PIEZO2: variants seen among roughly 807,000 people sequenced by gnomAD.
The protein encoded by PIEZO2 is piezo-type mechanosensitive ion channel component 2.
A neutral mutation model predicts 337.3 loss-of-function variants in PIEZO2; 172 were observed. The observed-to-expected ratio is 0.51, with a 90% CI of 0.45 to 0.58. The LOEUF (loss-of-function observed/expected upper bound fraction) is 0.58, where lower values mean the gene tolerates loss of function less well. Ranked by LOEUF, PIEZO2 falls within the 20% of genes least tolerant of loss-of-function variation. The pLI is 0.00. For missense variants in PIEZO2, 3,028 were observed against 3,391.3 expected (o/e 0.89, Z 2.66); for synonymous variants, 1,251 against 1,228.5 (o/e 1.02, Z -0.38).
chr18:10,790,986 G>A (rs1053393193), intron 14 of PIEZO2, among the ~76,000 whole-genome samples: 3 of 152,140 alleles, frequency 2.0e-5, no homozygotes, highest in Admixed American at 1.3e-4. Flanking sequence ...TTACAGGCGC[G>A]AGCCACGGCG....
chr18:10,904,760 C>A (rs191540280), intron 4 of PIEZO2, among the ~76,000 whole-genome samples: 1 of 152,192 alleles, frequency 6.6e-6, no homozygotes, highest in African/African-American at 2.4e-5. Context: ...ACATTTAATA[C>A]GAGCAAGAAA....
At chr18:10,823,435 C>G (rs2144483357) in intron 7 of PIEZO2, among the ~76,000 whole-genome samples, 1 of 152,310 alleles carries the variant, frequency 6.6e-6, no homozygotes, top group Non-Finnish European at 1.5e-5. Context: ...ACATATAGCC[C>G]TGAATTTTTT....
chr18:10,881,951 C>G (rs1295040923), intron 4 of PIEZO2, among the ~76,000 whole-genome samples: 1 of 152,184 alleles, frequency 6.6e-6, no homozygotes, highest in Non-Finnish European at 1.5e-5. Context: ...CCAGGCTCCT[C>G]ATCATCCCAG....
intron 2 of PIEZO2, among the ~76,000 whole-genome samples, chr18:11,022,811 G>C (rs1035816401): frequency 4.6e-5 from 7 of 152,160 alleles, no homozygotes; most frequent in African/African-American, 1.7e-4. Flanking sequence ...CACTGACTTC[G>C]AGAATGAAGT....
Position 10,696,942 on chromosome 18 carries a change from T to C in PIEZO2, c.6828-403A>G, listed in dbSNP as rs1226694246. On this transcript the variant is annotated intron_variant, in intron 45 of 55. Transcript: ENST00000674853. ...GTAAAACTGGAGTGATGAGAAGACC[T>C]GATGCCTAGGGCCAAGGTGGGAAGT... Among the ~76,000 whole-genome samples, 4 of 152,294 alleles carry C rather than the reference T, an allele frequency of 2.6e-5. No individual in the cohort carries two copies. In the East Asian group the frequency reaches 7.7e-4, roughly 29 times the overall value.
intron 3 of PIEZO2, among the ~76,000 whole-genome samples, chr18:10,933,876 C>G (rs571291595): frequency 6.6e-6 from 1 of 152,206 alleles, no homozygotes; most frequent in Admixed American, 6.5e-5. Context: ...GGGAGTTCCC[C>G]TGCACAAGCT....
rs1002816101 is a variant in PIEZO2, at chr18:10,726,438, G to C, written c.5029+4969C>G. 178 of 1,529,888 alleles carry C rather than the reference G, an allele frequency of 1.2e-4. No homozygotes were observed. The highest frequency in any genetic ancestry group is 2.5e-5 in the East Asian group (1 of 40,770). 94.8% of individuals were successfully genotyped at this position (1,529,888 alleles called of 1,614,324 possible). A position where few individuals can be genotyped will look rare whatever the true frequency, so the allele number is the denominator to read the frequency against. On this transcript the variant is annotated intron_variant, in intron 36 of 55. Coordinates refer to ENST00000674853, the MANE Select transcript of PIEZO2 (RefSeq NM_001378183.1). This position sits in a 1 kb window ranked among gnomAD's most constrained non-coding sequence, Gnocchi z 5.9. The stretch of plus-strand genomic sequence containing the variant: ...CAACGCGGAGGGCCGGCTGCGGTAC[G>C]GGCTACGGCCGGCGAACCCCACGAG...
In PIEZO2 at chr18:10,672,376, T is replaced by C. The variant is rs1567932399; in HGVS notation, c.8345+314A>G. The stretch of plus-strand genomic sequence containing the variant: ...CCATCTGCTAAGGATTAGAAGGAAA[T>C]CTAAGCAGAAAAGTGATATTTCTGT... On this transcript the variant is annotated intron_variant, in intron 55 of 55. Coordinates refer to ENST00000674853, the MANE Select transcript of PIEZO2 (RefSeq NM_001378183.1). This position sits in a 1 kb window ranked among gnomAD's most constrained non-coding sequence, Gnocchi z 4.7. 6.6e-6 allele frequency among the ~76,000 whole-genome samples: 1 copy of C among 152,094 alleles called. No individual in the cohort carries two copies. Among genetic ancestry groups the C allele is most frequent in the Non-Finnish European group, 1.5e-5 (1 of 68,022 alleles).
chr18:10,680,251 G>A lies in PIEZO2; in HGVS notation c.7900C>T (p.Leu2634Phe). The A allele has an allele frequency of 6.2e-7, 1 of 1,614,046 alleles. No individual in the cohort carries two copies. The highest frequency in any genetic ancestry group is 8.5e-7 in the Non-Finnish European group (1 of 1,179,920). Residue 2634 changes from leucine to phenylalanine, a missense_variant, in exon 52 of 56, where the codon CTC becomes TTC. Leu to Phe is a conservative substitution (Grantham distance 22). Coordinates refer to ENST00000674853, the MANE Select transcript of PIEZO2 (RefSeq NM_001378183.1). ...PPSKQKMIHELLDPNSSFSVV... is the reference protein window; with the variant it reads ...PPSKQKMIHEFLDPNSSFSVV... ...GAGAAGCTACTATTGGGGTCCAGGA[G>A]TTCGTGTATCATTTTCTGCTTACTG...
chr18:11,098,805 A>G (rs1399800013), intron 1 of PIEZO2, among the ~76,000 whole-genome samples: 1 of 151,810 alleles, frequency 6.6e-6, no homozygotes, highest in Non-Finnish European at 1.5e-5. Context: ...TATTTAAAAA[A>G]AATTTTTTTT....
rs2145181380 is a variant in PIEZO2 at position 10,929,284 on chromosome 18, C to CA, written c.287-18057dup. Among the ~76,000 whole-genome samples the CA allele has an allele frequency of 6.6e-6, 1 of 152,316 alleles. No homozygotes were observed. The highest frequency in any genetic ancestry group is 2.4e-5 in the African/African-American group (1 of 41,574). On this transcript the variant is annotated intron_variant, in intron 3 of 55. Coordinates refer to ENST00000674853, the MANE Select transcript of PIEZO2 (RefSeq NM_001378183.1). The surrounding 1 kb of genome is among the most constrained non-coding windows in gnomAD (Gnocchi z 5.6). ...AAAGTGTGAGCGAGCTGCAAACGTG[C>CA]ACGCATCATATGAAGGTGTTATGCT...
intron 2 of PIEZO2, among the ~76,000 whole-genome samples, chr18:11,065,343 TACA>T (rs2038113335): frequency 6.6e-6 from 1 of 152,238 alleles, no homozygotes; most frequent in East Asian, 1.9e-4. Flanking sequence ...TGCACTCACC[TACA>T]ACATTTGGCA....
Position 10,991,951 on chromosome 18 carries a change from G to A in PIEZO2, c.161-12291C>T, listed in dbSNP as rs549942963. Among the ~76,000 whole-genome samples, 450 of 152,160 alleles carry A rather than the reference G, an allele frequency of 3.0e-3. 4 individuals are homozygous for A. Among genetic ancestry groups the A allele is most frequent in the Non-Finnish European group, 3.1e-3 (213 of 67,996 alleles). ...CCGGTGTGAGATGGTATCTCATTGTGGTTTTGATTTGCATTTCTCTAATGT... is the reference window on the plus strand; with the variant it reads ...CCGGTGTGAGATGGTATCTCATTGTAGTTTTGATTTGCATTTCTCTAATGT... On this transcript the variant is annotated intron_variant, in intron 2 of 55. Transcript: ENST00000674853.
chr18:10,968,465 T>C (rs2034105511), intron 3 of PIEZO2, among the ~76,000 whole-genome samples: 1 of 152,160 alleles, frequency 6.6e-6, no homozygotes, highest in African/African-American at 2.4e-5. Context: ...ATTTTAGGAA[T>C]ATTTTCTAGC....
chr18:10,812,984 C>CTTTTT (rs5823122), intron 7 of PIEZO2, among the ~76,000 whole-genome samples: 1 of 146,282 alleles, frequency 6.8e-6, no homozygotes. Flanking sequence ...TTATTTTAAA[C>CTTTTT]TTTTTTTTTT....
intron 1 of PIEZO2, among the ~76,000 whole-genome samples, chr18:11,130,287 T>C (rs1031941249): frequency 1.3e-5 from 2 of 152,238 alleles, no homozygotes; most frequent in Non-Finnish European, 2.9e-5. Flanking sequence ...GTACCAGATG[T>C]GGTTTCATTG....
At chr18:10,798,891 C>T (rs565582759) in intron 11 of PIEZO2, among the ~76,000 whole-genome samples, 1 of 147,676 alleles carries the variant, frequency 6.8e-6, no homozygotes, top group Non-Finnish European at 1.5e-5. Flanking sequence ...AACTAAAACA[C>T]ATACATGCAG....
intron 1 of PIEZO2, among the ~76,000 whole-genome samples, chr18:11,136,136 C>T (rs958403175): frequency 2.0e-5 from 3 of 152,194 alleles, no homozygotes; most frequent in Admixed American, 6.5e-5. Flanking sequence ...TTGACAGTGA[C>T]TTTAACGTTT....
intron 10 of PIEZO2, 28 bp downstream of exon 10, chr18:10,801,362 T>A: frequency 6.9e-7 from 1 of 1,455,394 alleles, no homozygotes; most frequent in Non-Finnish European, 9.3e-7. Context: ...TACACATGCA[T>A]AAATGATAAT....
Sources: gnomAD v4.1 joint callset for allele counts (sites outside exome capture counted in the v4.1 genomes callset) on GRCh38, gnomAD v4.1.1 for gene constraint, Gnocchi (gnomAD v3.1) non-coding constraint, MANE v1.5 for transcripts, NCBI Gene and HGNC (gene_info 2026-07-23, HGNC 2026-07-21) for gene names.